Variants in KCNH1 observed in about 807,000 individuals in gnomAD.
KCNH1 encodes the protein voltage-gated delayed rectifier potassium channel KCNH1.
In KCNH1, 27 loss-of-function variants were observed where a neutral mutation model predicts 69.2. The ratio of observed to expected loss-of-function variants is 0.39; its 90% CI spans 0.29 to 0.54. The LOEUF (loss-of-function observed/expected upper bound fraction) is 0.54, where lower values mean the gene tolerates loss of function less well. KCNH1 is among the 20% of genes least tolerant of loss of function. The probability of loss-of-function intolerance (pLI) is 0.68; values close to 1 mark genes in which losing one functional copy is unlikely to be tolerated. For missense variants in KCNH1, 798 were observed against 1,261.6 expected (o/e 0.63, Z 5.57); for synonymous variants, 456 against 487.7 (o/e 0.93, Z 0.86).
chr1:211,082,679 G>T, intron 5 of KCNH1, 101 bp downstream of exon 5: 1 of 910,746 alleles, frequency 1.1e-6, no homozygotes, highest in South Asian at 1.6e-5. Context: ...TGGGGGTCCT[G>T]AAGGTCCTCT....
At chr1:210,958,466 G>A (rs1465294169) in intron 6 of KCNH1, among the ~76,000 whole-genome samples, 1 of 152,060 alleles carries the variant, frequency 6.6e-6, no homozygotes. Flanking sequence ...GCCTTGCCTG[G>A]TTGGGGAAGT....
chr1:210,705,840 G>A (rs1277403165), intron 10 of KCNH1, among the ~76,000 whole-genome samples: 2 of 152,022 alleles, frequency 1.3e-5, no homozygotes, highest in African/African-American at 4.8e-5. Context: ...CCAGTATCTG[G>A]GCACCTCGAT....
chr1:210,729,240 TG>T (rs1682683273), intron 10 of KCNH1, among the ~76,000 whole-genome samples: 2 of 152,200 alleles, frequency 1.3e-5, no homozygotes, highest in East Asian at 3.8e-4. Context: ...ACATAAAAAG[TG>T]GCTTCTTCTT....
At chr1:210,896,684 C>T (rs1287677019) in intron 7 of KCNH1, among the ~76,000 whole-genome samples, 1 of 152,024 alleles carries the variant, frequency 6.6e-6, no homozygotes, top group African/African-American at 2.4e-5. Context: ...TGTCTAGCAA[C>T]TCAGCGGAAA....
intron 7 of KCNH1, among the ~76,000 whole-genome samples, chr1:210,898,648 C>T (rs767648614): frequency 1.3e-5 from 2 of 150,652 alleles, no homozygotes; most frequent in Non-Finnish European, 2.9e-5. Context: ...CACTTAGAAC[C>T]GCAAGACCCC....
At chr1:211,086,764 A>G (rs17267421) in intron 4 of KCNH1, among the ~76,000 whole-genome samples, 32,649 of 151,712 alleles carry the variant, frequency 0.22, 3,682 homozygotes, top group Non-Finnish European at 0.23. Flanking sequence ...TAGAATTCCA[A>G]CTCCTCTGAG....
intron 10 of KCNH1, among the ~76,000 whole-genome samples, chr1:210,727,624 C>T (rs1438107688): frequency 1.4e-5 from 2 of 146,070 alleles, no homozygotes; most frequent in Non-Finnish European, 3.0e-5. Context: ...CCATTAGATA[C>T]ACAAAAGATT....
chr1:210,777,667 C>A (rs143508920), intron 9 of KCNH1, among the ~76,000 whole-genome samples: 1 of 152,276 alleles, frequency 6.6e-6, no homozygotes, highest in East Asian at 1.9e-4. Flanking sequence ...CCTATACTGC[C>A]CACAATGGCT....
intron 7 of KCNH1, among the ~76,000 whole-genome samples, chr1:210,907,574 G>A (rs1252147417): frequency 6.6e-6 from 1 of 151,928 alleles, no homozygotes; most frequent in African/African-American, 2.4e-5. Context: ...TCTATTATTG[G>A]CAGTATGATG....
chr1:211,085,766 G>A (rs1690941641), intron 4 of KCNH1, among the ~76,000 whole-genome samples: 2 of 152,200 alleles, frequency 1.3e-5, no homozygotes, highest in South Asian at 4.1e-4. Flanking sequence ...TGTACAATTT[G>A]GACCAACAGT....
intron 1 of KCNH1, among the ~76,000 whole-genome samples, chr1:211,127,209 C>T (rs182591466): frequency 2.6e-5 from 4 of 152,226 alleles, no homozygotes; most frequent in Admixed American, 2.6e-4. Context: ...CGTAAGCTAG[C>T]CTTTGCTTTT....
At position 211,043,918 on chromosome 1, in the gene KCNH1, A is replaced by G. The variant is rs540813786; in HGVS notation, c.559-24662T>C. On this transcript the variant is annotated intron_variant, in intron 5 of 10. Transcript: ENST00000271751. ...CTTTATGATTAAAACTCTCAGCCAA[A>G]TCAGCATACAAGGGACATACCTTAA... 3.3e-5 allele frequency among the ~76,000 whole-genome samples: 5 copies of G among 152,274 alleles called. No homozygotes were observed. The South Asian group carries it at 1.0e-3, about 32-fold the overall frequency.
intron 10 of KCNH1, among the ~76,000 whole-genome samples, chr1:210,733,302 A>G (rs1210924815): frequency 6.6e-6 from 1 of 152,210 alleles, no homozygotes; most frequent in Non-Finnish European, 1.5e-5. Flanking sequence ...ATCAAAGCGC[A>G]TAGAAATTTG....
intron 3 of KCNH1, among the ~76,000 whole-genome samples, chr1:211,102,045 C>G (rs1395691567): frequency 6.6e-6 from 1 of 152,078 alleles, no homozygotes; most frequent in African/African-American, 2.4e-5. Context: ...AGTTGGTTTA[C>G]CTGGGTAGTT....
chr1:211,020,938 T>C (rs1272450606), intron 5 of KCNH1, among the ~76,000 whole-genome samples: 1 of 81,394 alleles, frequency 1.2e-5, no homozygotes, highest in African/African-American at 7.7e-5. Flanking sequence ...TCGATATCCT[T>C]TCATGATAAA....
intron 7 of KCNH1, among the ~76,000 whole-genome samples, chr1:210,832,740 G>T (rs1054377385): frequency 1.3e-5 from 2 of 151,686 alleles, no homozygotes; most frequent in Non-Finnish European, 2.9e-5. Context: ...AGCAGGACCC[G>T]TTTTTTTCAC....
At chr1:211,061,484 C>A (rs1690432651) in intron 5 of KCNH1, among the ~76,000 whole-genome samples, 1 of 151,806 alleles carries the variant, frequency 6.6e-6, no homozygotes, top group Non-Finnish European at 1.5e-5. Flanking sequence ...TCAATCCTTG[C>A]CAGAGCAAAA....
intron 10 of KCNH1, among the ~76,000 whole-genome samples, chr1:210,755,121 C>T (rs886526554): frequency 6.0e-5 from 9 of 150,612 alleles, no homozygotes; most frequent in Non-Finnish European, 1.2e-4. Context: ...AAGCAGTCAC[C>T]GACAGTGGCA....
chr1:211,077,830 C>T (rs945419344), intron 5 of KCNH1, among the ~76,000 whole-genome samples: 3 of 152,012 alleles, frequency 2.0e-5, no homozygotes, highest in African/African-American at 7.2e-5. Context: ...GATAAAGAGT[C>T]AAGCCCCATC....
Sources: allele counts gnomAD v4.1 joint callset (sites outside exome capture counted in the v4.1 genomes callset), GRCh38; gene constraint gnomAD v4.1.1; transcripts MANE v1.5; gene names NCBI Gene and HGNC (gene_info 2026-07-23, HGNC 2026-07-21).